Variants in PPP1R9A observed in about 807,000 individuals in gnomAD.
The protein encoded by PPP1R9A is protein phosphatase 1 regulatory subunit 9A, also known as neurabin-1.
A neutral mutation model predicts 141.9 loss-of-function variants in PPP1R9A; 59 were observed. That is an observed-to-expected ratio of 0.42 (90% CI 0.34 to 0.52). The LOEUF is 0.52. Ranked by LOEUF, PPP1R9A falls within the 20% of genes least tolerant of loss-of-function variation. The pLI is 0.10. For synonymous variants in PPP1R9A, 500 were observed against 569.7 expected, an observed-to-expected ratio of 0.88 and a Z score of 1.74; for missense variants, 1,444 against 1,611.9, an observed-to-expected ratio of 0.90 and a Z score of 1.78.
chr7:95,092,794 A>C (rs768823213), intron 2 of PPP1R9A, among the ~76,000 whole-genome samples: 1 of 152,226 alleles, frequency 6.6e-6, no homozygotes, highest in Non-Finnish European at 1.5e-5. Context: ...ATAGTCATCT[A>C]ATATTGGAGG....
Position 95,267,541 on chromosome 7 carries a change from A to G in PPP1R9A, c.2666-1009A>G, listed in dbSNP as rs1447608395. Among the ~76,000 whole-genome samples, 3 of 152,108 alleles carry G rather than the reference A, an allele frequency of 2.0e-5. 1 individual carries two copies. The highest frequency in any genetic ancestry group is 1.3e-4 in the Admixed American group (2 of 15,250). On this transcript the variant is annotated intron_variant, in intron 12 of 19. Transcript: ENST00000433360. ...GTATGTTAATGGGTACCTTTCCTTT[A>G]GAATGTTAACTTCGGGGTCCTAACT...
Position 95,290,121 on chromosome 7 carries a change from G to A in PPP1R9A, c.3943G>A (p.Ala1315Thr). Residue 1315 changes from alanine to threonine, a missense_variant, in exon 20 of 20, where the codon GCA becomes ACA. By Grantham distance (58) the Ala-to-Thr change is moderately conservative. Transcript: ENST00000433360. ...TGGAATGACAGCATCCCAGGACCGA[G>A]CAGTGGTCAAAAAGAAACTCAAGGA... is the stretch of plus-strand genomic sequence containing the variant. Reference protein sequence around the residue: ...ALGMTASQDRAVVKKKLKEMK... With the variant: ...ALGMTASQDRTVVKKKLKEMK... 6.2e-7 allele frequency: 1 copy of A among 1,614,008 alleles called. No individual in the cohort carries two copies. Among genetic ancestry groups the A allele is most frequent in the Non-Finnish European group, 8.5e-7 (1 of 1,179,984 alleles).
At chr7:95,020,070 TTGA>T (rs1459741966) in intron 2 of PPP1R9A, among the ~76,000 whole-genome samples, 4 of 151,822 alleles carry the variant, frequency 2.6e-5, no homozygotes, top group Middle Eastern at 3.2e-3. Flanking sequence ...ATCATCATCA[TTGA>T]TGAATTTCAA....
intron 14 of PPP1R9A, among the ~76,000 whole-genome samples, chr7:95,273,606 C>T (rs1016015275): frequency 3.3e-5 from 5 of 152,160 alleles, no homozygotes; most frequent in Non-Finnish European, 5.9e-5. Flanking sequence ...GTCCCTACTT[C>T]GAATGCAGAG....
intron 2 of PPP1R9A, among the ~76,000 whole-genome samples, chr7:95,084,255 C>G (rs1584605825): frequency 6.6e-6 from 1 of 151,860 alleles, no homozygotes; most frequent in South Asian, 2.1e-4. Context: ...CAGTCTGTTG[C>G]TATTTACATA....
chr7:95,020,232 T>C (rs1251825801), intron 2 of PPP1R9A, among the ~76,000 whole-genome samples: 1 of 152,150 alleles, frequency 6.6e-6, no homozygotes, highest in African/African-American at 2.4e-5. Flanking sequence ...AATTGGATTG[T>C]AAAGGGTCTG....
At chr7:95,101,902 A>C (rs956306144) in intron 2 of PPP1R9A, among the ~76,000 whole-genome samples, 2 of 152,164 alleles carry the variant, frequency 1.3e-5, no homozygotes, top group Non-Finnish European at 2.9e-5. Context: ...TAACTGCTGA[A>C]TTCAGAGTTT....
At chr7:94,958,621 C>T (rs377113870) in intron 2 of PPP1R9A, among the ~76,000 whole-genome samples, 1 of 151,914 alleles carries the variant, frequency 6.6e-6, no homozygotes, top group Non-Finnish European at 1.5e-5. Flanking sequence ...TAATGAACAG[C>T]CTTATCAAAT....
At chr7:95,095,393 A>T (rs1413328142) in intron 2 of PPP1R9A, among the ~76,000 whole-genome samples, 1 of 152,226 alleles carries the variant, frequency 6.6e-6, no homozygotes, top group Non-Finnish European at 1.5e-5. Flanking sequence ...TTTGACCATT[A>T]ATCCTATACT....
chr7:95,294,340 C>G lies in PPP1R9A; in HGVS notation c.*4037C>G, dbSNP rs1806798709. The G allele has an allele frequency of 7.6e-6, 1 of 132,350 alleles. No individual in the cohort carries two copies. The highest frequency in any genetic ancestry group is 8.9e-5 in the Admixed American group (1 of 11,208). The allele number at this position is 132,350 out of a possible 1,614,324, so 8.2% of individuals were successfully genotyped here. A position where few individuals can be genotyped will look rare whatever the true frequency, so the allele number is the denominator to read the frequency against. On this transcript the variant is annotated 3_prime_UTR_variant, in exon 20 of 20. Transcript: ENST00000433360. ...CTGGACTGCAGTGGTGCCATCATGT[C>G]TTACTGCAGCCTCAAACTCCTGGGC...
intron 2 of PPP1R9A, among the ~76,000 whole-genome samples, chr7:95,068,600 G>T (rs751757425): frequency 3.9e-5 from 6 of 151,978 alleles, no homozygotes; most frequent in Non-Finnish European, 8.8e-5. Context: ...GGGTCAGAGA[G>T]CCTTAAGTTT....
chr7:95,183,331 G>A (rs1249951333), intron 5 of PPP1R9A, among the ~76,000 whole-genome samples: 2 of 151,564 alleles, frequency 1.3e-5, no homozygotes, highest in African/African-American at 4.9e-5. Flanking sequence ...GTAAAGATGG[G>A]GTTTCACCAT....
chr7:95,024,603 C>CT (rs1003083296), intron 2 of PPP1R9A, among the ~76,000 whole-genome samples: 18 of 151,046 alleles, frequency 1.2e-4, no homozygotes, highest in South Asian at 4.2e-4. Context: ...GCAACCTCTG[C>CT]TTTTTTTTTG....
chr7:95,288,263 T>C lies in PPP1R9A; in HGVS notation c.3730-273T>C, dbSNP rs559555701. ...ATAATCTGTCCAGACTGTTTTGATG[T>C]AAAAGCTTGCAACATTAATATATTT... is the stretch of plus-strand genomic sequence containing the variant. On this transcript the variant is annotated intron_variant, in intron 18 of 19. Coordinates refer to ENST00000433360, the MANE Select transcript of PPP1R9A (RefSeq NM_001166160.2). 1.1e-4 allele frequency among the ~76,000 whole-genome samples: 17 copies of C among 152,368 alleles called. 1 individual carries two copies. In the South Asian group the frequency reaches 3.5e-3, roughly 32 times the overall value.
chr7:95,140,857 G>C (rs925057329), intron 4 of PPP1R9A, among the ~76,000 whole-genome samples: 1 of 152,068 alleles, frequency 6.6e-6, no homozygotes, highest in Non-Finnish European at 1.5e-5. Context: ...GGGACCACTG[G>C]TGCACACTGC....
chr7:95,041,576 T>C (rs1203509722), intron 2 of PPP1R9A, among the ~76,000 whole-genome samples: 1 of 152,180 alleles, frequency 6.6e-6, no homozygotes, highest in Non-Finnish European at 1.5e-5. Flanking sequence ...CAATTGTCAC[T>C]CTAAAATATG....
chr7:95,201,217 T>A (rs1242954268), intron 6 of PPP1R9A, among the ~76,000 whole-genome samples: 1 of 147,188 alleles, frequency 6.8e-6, no homozygotes, highest in East Asian at 1.9e-4. Context: ...TTTAATTAGT[T>A]TAGCTTTAAG....
Position 95,291,461 on chromosome 7 carries a change from T to C in PPP1R9A, c.*1158T>C, listed in dbSNP as rs1431280264. ...TCCATACTTCAAAGATTCTCAATTT[T>C]ACAGAAAAAGTTTGTTTAAGGCAGT... On this transcript the variant is annotated 3_prime_UTR_variant, in exon 20 of 20. Coordinates refer to ENST00000433360, the MANE Select transcript of PPP1R9A (RefSeq NM_001166160.2). The C allele has an allele frequency of 6.6e-6, 1 of 152,212 alleles. No homozygotes were observed. The highest frequency in any genetic ancestry group is 1.5e-5 in the Non-Finnish European group (1 of 68,038). The allele number at this position is 152,212 out of a possible 1,614,324, so 9.4% of individuals were successfully genotyped here. A position where few individuals can be genotyped will look rare whatever the true frequency, so the allele number is the denominator to read the frequency against.
intron 2 of PPP1R9A, among the ~76,000 whole-genome samples, chr7:94,939,131 G>C (rs1406141705): frequency 1.3e-5 from 2 of 152,150 alleles, no homozygotes; most frequent in Non-Finnish European, 2.9e-5. Context: ...ATCTGGGTTT[G>C]AGACTCAGCT....
Sources: gnomAD v4.1 joint callset for allele counts (sites outside exome capture counted in the v4.1 genomes callset) on GRCh38, gnomAD v4.1.1 for gene constraint, MANE v1.5 for transcripts, NCBI Gene and HGNC (gene_info 2026-07-23, HGNC 2026-07-21) for gene names.